Variants in GBX1 observed in about 807,000 individuals in gnomAD.
The protein encoded by GBX1 is homeobox protein GBX-1.
A neutral mutation model predicts 22.9 loss-of-function variants in GBX1; 9 were observed. The observed-to-expected ratio is 0.39, with a 90% CI of 0.24 to 0.69. The LOEUF (loss-of-function observed/expected upper bound fraction) is 0.69, where lower values mean the gene tolerates loss of function less well. Ranked by LOEUF, GBX1 falls within the 30% of genes least tolerant of loss-of-function variation. GBX1 has a pLI of 0.43. For missense variants in GBX1, 494 were observed against 509.2 expected, an observed-to-expected ratio of 0.97 and a Z score of 0.29; for synonymous variants, 203 against 227.3, an observed-to-expected ratio of 0.89 and a Z score of 0.96.
At chr7:151,159,636 G>A (rs952462930) in intron 1 of GBX1, among the ~76,000 whole-genome samples, 1 of 152,112 alleles carries the variant, frequency 6.6e-6, no homozygotes, top group Non-Finnish European at 1.5e-5. Context: ...CTCGGCCTCC[G>A]AAAGAGCTGA....
chr7:151,155,543 TTC>T (rs142601095), intron 1 of GBX1, among the ~76,000 whole-genome samples: 107 of 149,684 alleles, frequency 7.1e-4, no homozygotes, highest in Non-Finnish European at 6.9e-4. Flanking sequence ...CATTTTCATT[TTC>T]TCTCTCTCTC....
intron 1 of GBX1, among the ~76,000 whole-genome samples, chr7:151,164,658 G>A (rs1053464611): frequency 2.0e-5 from 3 of 151,898 alleles, no homozygotes; most frequent in Non-Finnish European, 4.4e-5. Flanking sequence ...CTCCCAGCAT[G>A]AGTGATTACC....
intron 1 of GBX1, among the ~76,000 whole-genome samples, chr7:151,154,952 A>G (rs993195030): frequency 1.3e-5 from 2 of 152,322 alleles, no homozygotes; most frequent in African/African-American, 4.8e-5. Context: ...GAGGAGGAGG[A>G]AAAGCCAGAG....
At chr7:151,166,982 C>G in intron 1 of GBX1, 29 bp downstream of exon 1, 1 of 1,598,582 alleles carries the variant, frequency 6.3e-7, no homozygotes, top group East Asian at 2.3e-5. Context: ...ACCGGCCTCC[C>G]GCCAGCCCTG....
Position 151,150,031 on chromosome 7 carries a change from A to C in GBX1, c.539-889T>G, listed in dbSNP as rs936453719. The C allele has an allele frequency of 3.7e-5, 16 of 433,162 alleles. No homozygotes were observed. The East Asian group carries it at 8.9e-4, about 24-fold the overall frequency. The allele number at this position is 433,162 out of a possible 1,614,324, so 26.8% of individuals were successfully genotyped here. A position where few individuals can be genotyped will look rare whatever the true frequency, so the allele number is the denominator to read the frequency against. ...ATGTCAGCTGGGAGGACTGGAAGGA[A>C]TATGGGAGGAGGAGGAGGAAGAGGG... On this transcript the variant is annotated intron_variant, in intron 1 of 1. Transcript: ENST00000297537.
At chr7:151,161,158 A>C (rs1254605396) in intron 1 of GBX1, among the ~76,000 whole-genome samples, 2 of 152,176 alleles carry the variant, frequency 1.3e-5, no homozygotes, top group African/African-American at 4.8e-5. Context: ...CACTTTGCTC[A>C]CAATGCATGT....
chr7:151,164,988 A>AACAC (rs373616161), intron 1 of GBX1, among the ~76,000 whole-genome samples: 1 of 150,572 alleles, frequency 6.6e-6, no homozygotes, highest in East Asian at 2.0e-4. Context: ...CACACACACA[A>AACAC]ACACACACAC....
chr7:151,151,973 C>T (rs1445348243), intron 1 of GBX1, among the ~76,000 whole-genome samples: 2 of 152,208 alleles, frequency 1.3e-5, no homozygotes, highest in Non-Finnish European at 2.9e-5. Context: ...CTCTGATACT[C>T]TCTATGTCCT....
intron 1 of GBX1, among the ~76,000 whole-genome samples, chr7:151,151,710 C>G (rs912654212): frequency 1.3e-5 from 2 of 152,294 alleles, no homozygotes; most frequent in African/African-American, 4.8e-5. Context: ...CTTTAAAATA[C>G]CCCCAGAGCC....
intron 1 of GBX1, among the ~76,000 whole-genome samples, chr7:151,156,340 C>CA (rs1801133398): frequency 8.2e-6 from 1 of 122,286 alleles, no homozygotes; most frequent in Admixed American, 1.0e-4. Flanking sequence ...AAGCTGAGGT[C>CA]ACACCACTGC....
At chr7:151,150,967 T>A (rs907559741) in intron 1 of GBX1, among the ~76,000 whole-genome samples, 1 of 152,156 alleles carries the variant, frequency 6.6e-6, no homozygotes, top group Non-Finnish European at 1.5e-5. Context: ...TCTGGGTTCA[T>A]ACAATCCTCT....
chr7:151,167,314 A>G lies in GBX1; in HGVS notation c.235T>C (p.Phe79Leu), dbSNP rs765397008. 2.0e-5 allele frequency: 31 copies of G among 1,524,082 alleles called. No individual in the cohort carries two copies. The highest frequency in any genetic ancestry group is 2.6e-5 in the Non-Finnish European group (30 of 1,138,872). 94.4% of individuals were successfully genotyped at this position (1,524,082 alleles called of 1,614,324 possible). A position where few individuals can be genotyped will look rare whatever the true frequency, so the allele number is the denominator to read the frequency against. The change falls in exon 1 of 2, where the codon TTC (phenylalanine) becomes CTC (leucine). Residue 79 changes from phenylalanine (F) to leucine (L), a missense_variant. Phe to Leu is a conservative substitution (Grantham distance 22). This residue lies in a region of GBX1 where 365 missense variants were observed against 340.4 expected (regional missense o/e 1.07). Transcript: ENST00000297537. This position sits in a 1 kb window ranked among gnomAD's most constrained non-coding sequence, Gnocchi z 5.9. ...GLPPLAPLASFAGRLTNTFCA... is the reference protein window; with the variant it reads ...GLPPLAPLASLAGRLTNTFCA... ...AAGGTGTTGGTAAGGCGGCCGGCGA[A>G]AGAGGCTAGCGGGGCGAGGGGCGGG...
chr7:151,166,133 A>G (rs1801247102), intron 1 of GBX1, among the ~76,000 whole-genome samples: 1 of 152,142 alleles, frequency 6.6e-6, no homozygotes, highest in African/African-American at 2.4e-5. Flanking sequence ...TCTGGCTTCT[A>G]GGAGTTAAGG....
Position 151,149,116 on chromosome 7 carries a change from C to T in GBX1, c.565G>A (p.Glu189Lys). 2 of 1,609,088 alleles carry T rather than the reference C, an allele frequency of 1.2e-6. No individual in the cohort carries two copies. Among genetic ancestry groups the T allele is most frequent in the Non-Finnish European group, 1.7e-6 (2 of 1,179,970 alleles). Residue 189 changes from glutamate to lysine, a missense_variant, in exon 2 of 2, where the codon GAG becomes AAG. Glu to Lys is a moderately conservative substitution (Grantham distance 56). Coordinates refer to ENST00000297537, the MANE Select transcript of GBX1 (RefSeq NM_001098834.3). ...PAEGKVYSSD[E>K]EKLEASAGDP... ...CCTGCTGATGCCTCCAGCTTCTCCT[C>T]ATCTGAGCTGTACACCTTCCCCTCT...
At chr7:151,163,856 C>T (rs1405443001) in intron 1 of GBX1, among the ~76,000 whole-genome samples, 1 of 152,190 alleles carries the variant, frequency 6.6e-6, no homozygotes, top group African/African-American at 2.4e-5. Flanking sequence ...CTGCTTCCCA[C>T]ATTCCAAACT....
chr7:151,149,247 G>C, intron 1 of GBX1, 105 bp from the exon 2 acceptor site: 1 of 1,123,816 alleles, frequency 8.9e-7, no homozygotes, highest in Non-Finnish European at 1.3e-6. Context: ...TGGGAGACAA[G>C]AGCAGGAAAA....
chr7:151,148,988 T>A lies in GBX1; in HGVS notation c.693A>T (p.Gly231=). 6.2e-7 allele frequency: 1 copy of A among 1,613,750 alleles called. No individual in the cohort carries two copies. The highest frequency in any genetic ancestry group is 8.5e-7 in the Non-Finnish European group (1 of 1,179,954). The change falls in exon 2 of 2, where the codon GGA becomes GGT. Residue 231 remains glycine (G), a synonymous_variant. Coordinates refer to ENST00000297537, the MANE Select transcript of GBX1 (RefSeq NM_001098834.3). The surrounding 1 kb of genome is among the most constrained non-coding windows in gnomAD (Gnocchi z 5.1). ...SSAGGPGALL[G]PKPKLKGSLG... The stretch of plus-strand genomic sequence containing the variant: ...GGCTTCCCTTTAGCTTCGGTTTAGG[T>A]CCCAGAAGAGCCCCTGGGCCCCCTG...
chr7:151,159,060 C>G (rs561142262), intron 1 of GBX1, among the ~76,000 whole-genome samples: 45 of 151,126 alleles, frequency 3.0e-4, no homozygotes, highest in Middle Eastern at 6.8e-3. Context: ...TCTTTGTTAA[C>G]ATTTAATGTA....
At chr7:151,160,418 C>A (rs1232275240) in intron 1 of GBX1, among the ~76,000 whole-genome samples, 4 of 152,206 alleles carry the variant, frequency 2.6e-5, no homozygotes, top group African/African-American at 7.2e-5. Context: ...ATAATATCAT[C>A]TTCTCCATAA....
Sources: gnomAD v4.1 joint callset for allele counts (sites outside exome capture counted in the v4.1 genomes callset) on GRCh38, gnomAD v4.1.1 for gene constraint, gnomAD v4.1.1 regional missense constraint, Gnocchi (gnomAD v3.1) non-coding constraint, MANE v1.5 for transcripts, NCBI Gene and HGNC (gene_info 2026-07-23, HGNC 2026-07-21) for gene names.